CERS3: variants seen among roughly 807,000 people sequenced by gnomAD.
CERS3 encodes the protein LAG1 homolog, ceramide synthase 3.
CERS3 carries 33 observed loss-of-function variants against 50.3 expected under a neutral mutation model. The ratio of observed to expected loss-of-function variants is 0.66; its 90% CI spans 0.50 to 0.88. The LOEUF (loss-of-function observed/expected upper bound fraction) is 0.88. CERS3 is among the 40% of genes least tolerant of loss of function. The probability of loss-of-function intolerance (pLI) is 0.00; values close to 1 mark genes in which losing one functional copy is unlikely to be tolerated. For synonymous variants in CERS3, 176 were observed against 155.2 expected, an observed-to-expected ratio of 1.13 and a Z score of -0.99; for missense variants, 470 against 460.3, an observed-to-expected ratio of 1.02 and a Z score of -0.19.
At chr15:100,494,234 T>C (rs1211331529) in intron 3 of CERS3, among the ~76,000 whole-genome samples, 1 of 50,292 alleles carries the variant, frequency 2.0e-5, no homozygotes, top group Non-Finnish European at 4.9e-5. Flanking sequence ...TATATATATA[T>C]ATATATATAT....
chr15:100,539,478 C>T, intron 1 of CERS3, among the ~76,000 whole-genome samples: 1 of 152,162 alleles, frequency 6.6e-6, no homozygotes, highest in East Asian at 1.9e-4. Flanking sequence ...AGGAAAGTTA[C>T]AATCATGGTG....
intron 3 of CERS3, among the ~76,000 whole-genome samples, chr15:100,494,216 T>C (rs1355663692): frequency 7.7e-5 from 1 of 12,962 alleles, no homozygotes; most frequent in East Asian, 1.9e-3. Context: ...TTTTCATATA[T>C]ATATATATAT....
Position 100,402,862 on chromosome 15 carries a change from T to C in CERS3, c.1003A>G (p.Ile335Val). 1 of 1,591,450 alleles carries C rather than the reference T, an allele frequency of 6.3e-7. No individual in the cohort carries two copies. Among genetic ancestry groups the C allele is most frequent in the Non-Finnish European group, 8.6e-7 (1 of 1,167,212 alleles). The change falls in exon 12 of 12, where the codon ATC becomes GTC. Residue 335 changes from isoleucine (I) to valine (V), a missense_variant. Physicochemically the swap from Ile to Val is conservative, Grantham distance 29. Transcript: ENST00000679737. ...TCGTCATCACTCCTCACATCCTGGATGCTCTAGACAAAGGAAAGAATTGGC... is the reference window on the plus strand; with the variant it reads ...TCGTCATCACTCCTCACATCCTGGACGCTCTAGACAAAGGAAAGAATTGGC... ...MLNRCIFMKS[I>V]QDVRSDDEDY...
intron 11 of CERS3, among the ~76,000 whole-genome samples, chr15:100,419,646 A>T (rs926787070): frequency 6.6e-6 from 1 of 151,322 alleles, no homozygotes; most frequent in Non-Finnish European, 1.5e-5. Context: ...TCAGCACCAC[A>T]CCACACCTAT....
intron 4 of CERS3, among the ~76,000 whole-genome samples, chr15:100,490,046 A>C (rs2035606096): frequency 6.6e-6 from 1 of 152,206 alleles, no homozygotes; most frequent in Non-Finnish European, 1.5e-5. Context: ...CTTGATTTTT[A>C]AAATTACTGG....
chr15:100,431,243 A>G (rs1175167660), intron 11 of CERS3, among the ~76,000 whole-genome samples: 4 of 152,218 alleles, frequency 2.6e-5, no homozygotes, highest in East Asian at 3.8e-4. Context: ...CTTAGTCTCT[A>G]TATTTCACAA....
chr15:100,467,119 G>A (rs536907437), intron 10 of CERS3, among the ~76,000 whole-genome samples: 1 of 152,008 alleles, frequency 6.6e-6, no homozygotes, highest in African/African-American at 2.4e-5. Flanking sequence ...GCCTCCCAAA[G>A]TACCGGGATA....
chr15:100,538,702 G>A (rs1173074475), intron 1 of CERS3, among the ~76,000 whole-genome samples: 2 of 152,222 alleles, frequency 1.3e-5, no homozygotes, highest in Non-Finnish European at 2.9e-5. Flanking sequence ...AATTGGAGGA[G>A]CTGCTGTTAA....
chr15:100,514,932 G>A (rs1338387404), intron 2 of CERS3, among the ~76,000 whole-genome samples: 1 of 152,170 alleles, frequency 6.6e-6, no homozygotes, highest in African/African-American at 2.4e-5. Flanking sequence ...ATTCAAATCA[G>A]TGAAAGCAAA....
At chr15:100,459,606 T>G (rs2142206886) in intron 10 of CERS3, among the ~76,000 whole-genome samples, 1 of 152,326 alleles carries the variant, frequency 6.6e-6, no homozygotes, top group South Asian at 2.1e-4. Context: ...TAAAAACATT[T>G]TGATGTAATT....
At chr15:100,439,615 T>C (rs898106344) in intron 11 of CERS3, among the ~76,000 whole-genome samples, 4 of 152,196 alleles carry the variant, frequency 2.6e-5, no homozygotes, top group Non-Finnish European at 5.9e-5. Context: ...GAGTTGAAAA[T>C]GGATTTGTTA....
chr15:100,518,945 C>T (rs963424512), intron 2 of CERS3, among the ~76,000 whole-genome samples: 1 of 152,126 alleles, frequency 6.6e-6, no homozygotes, highest in African/African-American at 2.4e-5. Flanking sequence ...AGGCAGATCA[C>T]CAGGTCAGGA....
At chr15:100,402,891 G>A (rs781292187) in intron 11 of CERS3, 26 bp from the exon 12 acceptor site, 8 of 1,561,308 alleles carry the variant, frequency 5.1e-6, no homozygotes, top group African/African-American at 1.4e-5. Flanking sequence ...AATTGGCTGT[G>A]AGTGACAATC....
intron 1 of CERS3, among the ~76,000 whole-genome samples, chr15:100,524,257 T>C (rs1336176547): frequency 6.6e-6 from 1 of 152,208 alleles, no homozygotes; most frequent in East Asian, 1.9e-4. Context: ...TTCAGAATTG[T>C]GTGTGTATAT....
chr15:100,532,897 AC>A (rs1411477916), upstream of CERS3, among the ~76,000 whole-genome samples: 1 of 151,802 alleles, frequency 6.6e-6, no homozygotes, highest in Non-Finnish European at 1.5e-5. Flanking sequence ...ATCAATACCT[AC>A]CCCGCTCAAA....
intron 11 of CERS3, among the ~76,000 whole-genome samples, chr15:100,437,187 C>T (rs568624816): frequency 3.9e-5 from 6 of 152,176 alleles, no homozygotes; most frequent in South Asian, 2.1e-4. Flanking sequence ...CCTCGTGATC[C>T]GCCTGCCTTG....
chr15:100,493,509 G>A (rs1472498132), intron 3 of CERS3, among the ~76,000 whole-genome samples: 4 of 152,182 alleles, frequency 2.6e-5, no homozygotes, highest in African/African-American at 9.7e-5. Context: ...TATGACATAT[G>A]TAGATGTAGT....
intron 1 of CERS3, among the ~76,000 whole-genome samples, chr15:100,525,991 T>C (rs1037103178): frequency 6.6e-6 from 1 of 152,206 alleles, no homozygotes; most frequent in African/African-American, 2.4e-5. Context: ...GTATTGTGTG[T>C]TGAGGTGTTT....
intron 11 of CERS3, among the ~76,000 whole-genome samples, chr15:100,423,084 A>C (rs1023182076): frequency 9.0e-6 from 1 of 111,206 alleles, no homozygotes; most frequent in Non-Finnish European, 2.0e-5. Flanking sequence ...CTTAAAGTAT[A>C]ATAAAAAAAA....
Sources: allele counts gnomAD v4.1 joint callset (sites outside exome capture counted in the v4.1 genomes callset), GRCh38; gene constraint gnomAD v4.1.1; transcripts MANE v1.5; gene names NCBI Gene and HGNC (gene_info 2026-07-23, HGNC 2026-07-21).